CHD7: variants seen among roughly 807,000 people sequenced by gnomAD.
CHD7 encodes the protein ATP-dependent chromatin remodeler CHD7.
A neutral mutation model predicts 307.3 loss-of-function variants in CHD7; 24 were observed. The ratio of observed to expected loss-of-function variants is 0.08; its 90% CI spans 0.06 to 0.11. The LOEUF (loss-of-function observed/expected upper bound fraction) is 0.11. Ranked by LOEUF, CHD7 falls within the 10% of genes least tolerant of loss-of-function variation. CHD7 has a pLI of 1.00. For synonymous variants in CHD7, 1,363 were observed against 1,349.9 expected, an observed-to-expected ratio of 1.01 and a Z score of -0.21; for missense variants, 3,106 against 3,727.1, an observed-to-expected ratio of 0.83 and a Z score of 4.34.
intron 1 of CHD7, among the ~76,000 whole-genome samples, chr8:60,692,816 A>G (rs1452315678): frequency 6.6e-6 from 1 of 152,030 alleles, no homozygotes. Flanking sequence ...CTACCCCCTC[A>G]ATATAGCCTG....
intron 2 of CHD7, among the ~76,000 whole-genome samples, chr8:60,749,968 G>A (rs927094286): frequency 1.3e-5 from 2 of 152,152 alleles, no homozygotes; most frequent in African/African-American, 4.8e-5. Flanking sequence ...CATCCAACAA[G>A]CTGGTTTATC....
chr8:60,779,424 A>G (rs1423534115), intron 2 of CHD7, among the ~76,000 whole-genome samples: 2 of 152,232 alleles, frequency 1.3e-5, no homozygotes, highest in African/African-American at 4.8e-5. Context: ...ACTAGATTCA[A>G]ATCTTAGCTC....
intron 34 of CHD7, among the ~76,000 whole-genome samples, chr8:60,857,782 A>G (rs1432228936): frequency 6.6e-6 from 1 of 152,204 alleles, no homozygotes; most frequent in Non-Finnish European, 1.5e-5. Context: ...TTTTACTTAC[A>G]CCATCCCTAT....
In CHD7 at chr8:60,819,962, A is replaced by G. The variant is rs6471902; in HGVS notation, c.2614-45A>G. 0.79 allele frequency: 1,012,891 copies of G among 1,283,818 alleles called. 401,297 individuals carry two copies. Among genetic ancestry groups the G allele is most frequent in the East Asian group, 0.94 (37,949 of 40,454 alleles). The allele number at this position is 1,283,818 out of a possible 1,614,324, so 79.5% of individuals were successfully genotyped here. A position where few individuals can be genotyped will look rare whatever the true frequency, so the allele number is the denominator to read the frequency against. ...GAAAAGTGGAATAGTATTTCATCTT[A>G]GGAAATAAGTAAACCTTTAACTTTT... On this transcript the variant is annotated intron_variant, in intron 8 of 37. Transcript: ENST00000423902.
chr8:60,848,803 T>C (rs981156898), intron 24 of CHD7, among the ~76,000 whole-genome samples, 199 bp downstream of exon 24: 3 of 152,206 alleles, frequency 2.0e-5, no homozygotes, highest in Non-Finnish European at 4.4e-5. Flanking sequence ...ATGTTTGTAG[T>C]GTAAAGAGAT....
chr8:60,781,343 C>A lies in CHD7; in HGVS notation c.2009C>A (p.Thr670Asn), dbSNP rs1254432275. 12 of 1,567,236 alleles carry A rather than the reference C, an allele frequency of 7.7e-6. No individual in the cohort carries two copies. The highest frequency in any genetic ancestry group is 1.0e-5 in the Non-Finnish European group (12 of 1,160,054). Residue 670 changes from threonine to asparagine, a missense_variant, in exon 3 of 38, where the codon ACC (threonine) becomes AAC (asparagine). Coordinates refer to ENST00000423902, the MANE Select transcript of CHD7 (RefSeq NM_017780.4). ...KEKKEPKEPK[T>N]PKAPKIPKEP... The stretch of plus-strand genomic sequence containing the variant: ...AAAAAAGAGCCCAAGGAACCCAAGA[C>A]CCCGAAAGCCCCTAAGATTCCCAAA...
rs757104700 is a variant in CHD7 at position 60,816,367 on chromosome 8, AT to A, written c.2499-19del. 1 of 1,248,106 alleles carries A rather than the reference AT, an allele frequency of 8.0e-7. No individual in the cohort carries two copies. The allele number at this position is 1,248,106 out of a possible 1,614,324, so 77.3% of individuals were successfully genotyped here. ...TAATTATATTCTACATATTTCAAGG[AT>A]ATTGTTTTGTTCTTTCAGCTCTTAT... On this transcript the variant is annotated intron_variant, in intron 7 of 37. Coordinates refer to ENST00000423902, the MANE Select transcript of CHD7 (RefSeq NM_017780.4).
chr8:60,807,196 T>C (rs959865034), intron 6 of CHD7, among the ~76,000 whole-genome samples: 1 of 152,232 alleles, frequency 6.6e-6, no homozygotes, highest in African/African-American at 2.4e-5. Flanking sequence ...CTTTTGTTTG[T>C]TCTTTGCCAT....
chr8:60,787,816 G>A (rs1244047267), intron 3 of CHD7, among the ~76,000 whole-genome samples: 2 of 144,592 alleles, frequency 1.4e-5, no homozygotes, highest in Non-Finnish European at 3.0e-5. Context: ...TCGGTAACTT[G>A]TAGATTTTCT....
At chr8:60,696,981 A>G (rs1806513435) in intron 1 of CHD7, among the ~76,000 whole-genome samples, 2 of 152,124 alleles carry the variant, frequency 1.3e-5, no homozygotes, top group African/African-American at 4.8e-5. Flanking sequence ...CAAGGAACAT[A>G]AGAATAATTT....
intron 2 of CHD7, among the ~76,000 whole-genome samples, chr8:60,765,171 G>T (rs1477025827): frequency 2.0e-5 from 3 of 151,634 alleles, no homozygotes; most frequent in Admixed American, 1.3e-4. Flanking sequence ...TCTGGTATGT[G>T]TCAGTCCCTG....
intron 2 of CHD7, among the ~76,000 whole-genome samples, chr8:60,774,274 C>T (rs537003268): frequency 1.8e-4 from 27 of 152,166 alleles, no homozygotes; most frequent in Admixed American, 1.0e-3. Flanking sequence ...CTTAAGGTTT[C>T]GGTTCCATCA....
chr8:60,769,787 C>T (rs1472070557), intron 2 of CHD7, among the ~76,000 whole-genome samples: 5 of 152,124 alleles, frequency 3.3e-5, no homozygotes, highest in Admixed American at 2.0e-4. Flanking sequence ...CAAGGAAATA[C>T]TTGAACCACT....
intron 28 of CHD7, among the ~76,000 whole-genome samples, chr8:60,851,745 G>C (rs1014975518): frequency 6.6e-6 from 1 of 152,134 alleles, no homozygotes; most frequent in African/African-American, 2.4e-5. Flanking sequence ...TACATTAGAG[G>C]AGAGTACCTT....
rs58405811 is a variant in CHD7, at chr8:60,816,113, G to GTCTGTC, written c.2499-271_2499-270insGTCTCT. On this transcript the variant is annotated intron_variant, in intron 7 of 37. Transcript: ENST00000423902. ...GTCTCTTTTGTCTGTCTGTCTGTCT[G>GTCTGTC]TCTCTCTCTCTCTCTCTCTCTCTCT... Among the ~76,000 whole-genome samples the GTCTGTC allele has an allele frequency of 8.2e-3, 1,148 of 139,286 alleles. 15 individuals are homozygous for GTCTGTC. The highest frequency in any genetic ancestry group is 0.025 in the African/African-American group (868 of 34,978). The allele number at this position is 139,286 out of a possible 152,430, so 91.4% of individuals were successfully genotyped here.
chr8:60,745,364 C>G (rs959082632), intron 2 of CHD7, among the ~76,000 whole-genome samples: 7 of 152,162 alleles, frequency 4.6e-5, no homozygotes, highest in African/African-American at 1.7e-4. Flanking sequence ...TTGCTCTCCT[C>G]CAGCTTTCCT....
intron 5 of CHD7, 140 bp downstream of exon 5, chr8:60,800,665 G>A (rs2150709491): frequency 1.2e-6 from 1 of 817,110 alleles, no homozygotes; most frequent in South Asian, 2.3e-5. Context: ...ATGTGCTATG[G>A]GAAATTCGTT....
Position 60,853,489 on chromosome 8 carries a change from C to T in CHD7, c.6764C>T (p.Ser2255Phe). Residue 2255 changes from serine to phenylalanine, a missense_variant, in exon 31 of 38, where the codon TCC (serine) becomes TTC (phenylalanine). By Grantham distance (155) the Ser-to-Phe change is radical. Around this residue, in one of 10 missense-constraint regions of CHD7, gnomAD observed 1,030 missense variants for 1,165.4 expected, o/e 0.88. Coordinates refer to ENST00000423902, the MANE Select transcript of CHD7 (RefSeq NM_017780.4). ...LEDDDKSEES[S>F]QPEAGAVSRG... ...GATGACGATAAGTCGGAAGAGTCTT[C>T]CCAGCCCGAAGGTAAGGCCTTACCA... 1 of 1,512,808 alleles carries T rather than the reference C, an allele frequency of 6.6e-7. No individual in the cohort carries two copies. The highest frequency in any genetic ancestry group is 1.4e-5 in the South Asian group (1 of 72,562). 93.7% of individuals were successfully genotyped at this position (1,512,808 alleles called of 1,614,324 possible). A position where few individuals can be genotyped will look rare whatever the true frequency, so the allele number is the denominator to read the frequency against.
intron 7 of CHD7, among the ~76,000 whole-genome samples, chr8:60,814,502 G>A (rs540433769): frequency 2.0e-5 from 3 of 152,348 alleles, no homozygotes; most frequent in Non-Finnish European, 4.4e-5. Flanking sequence ...CTTGAATGCA[G>A]TGGCGTGATC....
Sources: allele counts gnomAD v4.1 joint callset (sites outside exome capture counted in the v4.1 genomes callset), GRCh38; gene constraint gnomAD v4.1.1; regional missense constraint gnomAD v4.1.1; transcripts MANE v1.5; gene names NCBI Gene and HGNC (gene_info 2026-07-23, HGNC 2026-07-21).